VWA8: variants seen among roughly 807,000 people sequenced by gnomAD.
VWA8 encodes von Willebrand factor A domain containing 8, also known as von Willebrand factor A domain-containing protein 8.
A neutral mutation model predicts 241.5 loss-of-function variants in VWA8; 221 were observed. The observed-to-expected ratio is 0.91, with a 90% CI of 0.82 to 1.02. VWA8 has a LOEUF of 1.02. Among genes scored for constraint, VWA8 ranks in the 50% least tolerant of loss-of-function variants. The pLI, the probability that VWA8 is intolerant of heterozygous loss-of-function variation, is 0.00. For synonymous variants in VWA8, 852 were observed against 827.1 expected (o/e 1.03, Z -0.52); for missense variants, 2,322 against 2,328.7 (o/e 1.00, Z 0.06).
At chr13:41,621,518 T>C (rs2044657063) in intron 37 of VWA8, among the ~76,000 whole-genome samples, 1 of 152,232 alleles carries the variant, frequency 6.6e-6, no homozygotes, top group South Asian at 2.1e-4. Flanking sequence ...CATTCCTCAC[T>C]TTGTGGGGCA....
At chr13:41,781,858 T>C (rs1424656181) in intron 19 of VWA8, among the ~76,000 whole-genome samples, 5 of 152,170 alleles carry the variant, frequency 3.3e-5, no homozygotes, top group African/African-American at 1.2e-4. Context: ...AAAGAAAACA[T>C]AGGGCTGTGC....
At chr13:41,712,762 TA>T (rs2045326652) in intron 26 of VWA8, among the ~76,000 whole-genome samples, 2 of 152,090 alleles carry the variant, frequency 1.3e-5, no homozygotes, top group Non-Finnish European at 2.9e-5. Context: ...TTTTAATCTG[TA>T]AAACAGATTC....
chr13:41,696,686 G>C (rs563227343), intron 29 of VWA8, among the ~76,000 whole-genome samples: 1 of 152,284 alleles, frequency 6.6e-6, no homozygotes, highest in East Asian at 1.9e-4. Context: ...AGTAATGTAA[G>C]CAATCTCTTA....
chr13:41,695,821 G>A (rs566228922), intron 29 of VWA8, among the ~76,000 whole-genome samples: 5 of 152,148 alleles, frequency 3.3e-5, no homozygotes, highest in Non-Finnish European at 7.3e-5. Flanking sequence ...TTTCTTTCAT[G>A]AAAGTAATTG....
intron 9 of VWA8, among the ~76,000 whole-genome samples, chr13:41,870,614 T>A (rs1479455606): frequency 7.2e-6 from 1 of 139,008 alleles, no homozygotes; most frequent in Non-Finnish European, 1.5e-5. Flanking sequence ...CTCTGCTTGG[T>A]GACAGAGCAA....
At chr13:41,916,687 G>A (rs1876273679) in intron 2 of VWA8, among the ~76,000 whole-genome samples, 1 of 152,166 alleles carries the variant, frequency 6.6e-6, no homozygotes, top group Non-Finnish European at 1.5e-5. Context: ...GCAGTGCTAT[G>A]TGGTATCTGT....
chr13:41,685,351 A>C, intron 34 of VWA8, 109 bp from the exon 35 acceptor site: 2 of 1,064,390 alleles, frequency 1.9e-6, no homozygotes, highest in African/African-American at 3.2e-5. Context: ...AATGTTTCAC[A>C]GGTATAAGAA....
intron 28 of VWA8, among the ~76,000 whole-genome samples, chr13:41,699,728 G>A (rs1015537286): frequency 2.0e-5 from 3 of 152,114 alleles, no homozygotes; most frequent in African/African-American, 7.2e-5. Flanking sequence ...CTGTAAATAA[G>A]TAATTCCATT....
At chr13:41,750,916 A>C (rs1379290688) in intron 21 of VWA8, among the ~76,000 whole-genome samples, 1 of 152,058 alleles carries the variant, frequency 6.6e-6, no homozygotes, top group Non-Finnish European at 1.5e-5. Flanking sequence ...AGCACAGTAC[A>C]GTACAGTGGT....
intron 4 of VWA8, among the ~76,000 whole-genome samples, chr13:41,898,278 G>C (rs1405046942): frequency 6.6e-6 from 1 of 152,018 alleles, no homozygotes; most frequent in Non-Finnish European, 1.5e-5. Flanking sequence ...ACAGGGTGCT[G>C]ATTGGTGTGT....
intron 21 of VWA8, among the ~76,000 whole-genome samples, chr13:41,749,570 G>A (rs1321315503): frequency 3.3e-5 from 5 of 151,574 alleles, no homozygotes; most frequent in African/African-American, 1.2e-4. Context: ...GTTTACTGCG[G>A]CACCACTCAC....
At chr13:41,812,194 C>T (rs1870502386) in intron 16 of VWA8, among the ~76,000 whole-genome samples, 1 of 152,080 alleles carries the variant, frequency 6.6e-6, no homozygotes, top group African/African-American at 2.4e-5. Context: ...CATATGGGTG[C>T]TCAACGAATG....
At chr13:41,749,301 A>G (rs773615818) in intron 21 of VWA8, among the ~76,000 whole-genome samples, 33 of 152,234 alleles carry the variant, frequency 2.2e-4, no homozygotes, top group Non-Finnish European at 4.4e-4. Flanking sequence ...AAAAACCACA[A>G]TGAGATACCA....
chr13:41,816,678 T>C lies in VWA8; in HGVS notation c.1947+20A>G. ...AGCATGTCAACAATAGAAAATCCTG[T>C]GGAAAAAGCCTAGACTTACCGTTGG... On this transcript the variant is annotated intron_variant, in intron 16 of 44. Transcript: ENST00000379310. 6.3e-7 allele frequency: 1 copy of C among 1,598,476 alleles called. No homozygotes were observed.
chr13:41,872,195 TC>T (rs1427664867), intron 9 of VWA8, among the ~76,000 whole-genome samples: 9 of 152,350 alleles, frequency 5.9e-5, no homozygotes, highest in Admixed American at 1.3e-4. Flanking sequence ...CTTTGTAGAT[TC>T]TGGATATTAG....
intron 9 of VWA8, among the ~76,000 whole-genome samples, chr13:41,878,354 TAACA>T (rs1178795658): frequency 6.6e-6 from 1 of 151,800 alleles, no homozygotes; most frequent in Non-Finnish European, 1.5e-5. Flanking sequence ...AAACTTACAA[TAACA>T]AACAGACCAC....
At chr13:41,858,088 C>G (rs1458047055) in intron 12 of VWA8, among the ~76,000 whole-genome samples, 1 of 152,130 alleles carries the variant, frequency 6.6e-6, no homozygotes. Context: ...ACCACCACAC[C>G]ACCTCTTTCC....
chr13:41,703,507 TG>T, intron 26 of VWA8, 96 bp from the exon 27 acceptor site: 1 of 1,001,870 alleles, frequency 1.0e-6, no homozygotes, highest in Non-Finnish European at 1.5e-6. Flanking sequence ...CAAATAAATT[TG>T]AAGAGTGCTT....
At position 41,906,378 on chromosome 13, in the gene VWA8, T is replaced by C. The variant is rs115354821; in HGVS notation, c.483+1208A>G. 3.6e-3 allele frequency among the ~76,000 whole-genome samples: 551 copies of C among 152,284 alleles called. 2 individuals carry two copies. The highest frequency in any genetic ancestry group is 0.013 in the African/African-American group (521 of 41,574). On this transcript the variant is annotated intron_variant, in intron 4 of 44. Coordinates refer to ENST00000379310, the MANE Select transcript of VWA8 (RefSeq NM_015058.2). ...CACTCTGTTAACTGCTCCTTGTGCA[T>C]CCTTCTGGAAGTTTTCAATGTATAA...
Sources: allele counts gnomAD v4.1 joint callset (sites outside exome capture counted in the v4.1 genomes callset), GRCh38; gene constraint gnomAD v4.1.1; transcripts MANE v1.5; gene names NCBI Gene and HGNC (gene_info 2026-07-23, HGNC 2026-07-21).